HEMK2: variants seen among roughly 807,000 people sequenced by gnomAD.
The protein encoded by HEMK2 is HemK methyltransferase 2, ETF1 glutamine and histone H4 lysine, also known as methyltransferase HEMK2.
At chr21:28,676,862 G>A in the HEMK2 span, among the ~76,000 whole-genome samples, 1 of 152,216 alleles carries the variant, frequency 6.6e-6, no homozygotes, top group East Asian at 1.9e-4. Flanking sequence ...GAACTAAGGA[G>A]AGAGTCCTAC....
chr21:28,628,871 T>C, the HEMK2 span, among the ~76,000 whole-genome samples: 1 of 152,376 alleles, frequency 6.6e-6, no homozygotes, highest in African/African-American at 2.4e-5. Flanking sequence ...GCTCTGGCAT[T>C]AACTGTGTTC....
chr21:28,716,273 T>A, the HEMK2 span, among the ~76,000 whole-genome samples: 1 of 152,176 alleles, frequency 6.6e-6, no homozygotes, highest in Non-Finnish European at 1.5e-5. Flanking sequence ...CCTAGAATGT[T>A]TTGTTACTTG....
At chr21:28,684,629 C>A in the HEMK2 span, among the ~76,000 whole-genome samples, 1 of 152,190 alleles carries the variant, frequency 6.6e-6, no homozygotes, top group Non-Finnish European at 1.5e-5. Flanking sequence ...GGGATTTCAT[C>A]ATTTGAGATT....
At chr21:28,789,722 T>G in the HEMK2 span, among the ~76,000 whole-genome samples, 2 of 152,186 alleles carry the variant, frequency 1.3e-5, no homozygotes, top group Non-Finnish European at 2.9e-5. Context: ...AGCCCACATA[T>G]GACATATACT....
chr21:28,838,538 T>TA, the HEMK2 span, among the ~76,000 whole-genome samples: 84 of 121,514 alleles, frequency 6.9e-4, no homozygotes, highest in African/African-American at 1.4e-3. Flanking sequence ...TGTCTCAAAA[T>TA]AAAAAAAAAA....
chr21:28,786,490 G>C, the HEMK2 span, among the ~76,000 whole-genome samples: 1 of 152,050 alleles, frequency 6.6e-6, no homozygotes, highest in African/African-American at 2.4e-5. Flanking sequence ...GGCCAACATG[G>C]TGAAACCCTG....
the HEMK2 span, among the ~76,000 whole-genome samples, chr21:28,691,480 C>A: frequency 1.3e-5 from 2 of 152,106 alleles, no homozygotes; most frequent in African/African-American, 2.4e-5. Flanking sequence ...GTTTCTGAAG[C>A]CTTTTCTCAT....
the HEMK2 span, among the ~76,000 whole-genome samples, chr21:28,740,163 A>G: frequency 1.3e-5 from 2 of 152,222 alleles, no homozygotes; most frequent in Admixed American, 1.3e-4. Context: ...TCCTTTTAGT[A>G]TATTTATAAT....
At chr21:28,787,785 G>A in the HEMK2 span, among the ~76,000 whole-genome samples, 1 of 152,126 alleles carries the variant, frequency 6.6e-6, no homozygotes, top group Non-Finnish European at 1.5e-5. Context: ...ACAGCCACTA[G>A]AGAAAACAGT....
the HEMK2 span, among the ~76,000 whole-genome samples, chr21:28,752,875 G>C: frequency 6.6e-6 from 1 of 152,224 alleles, no homozygotes; most frequent in Non-Finnish European, 1.5e-5. Flanking sequence ...AGAGGGCCAC[G>C]GCAGAGGCCC....
the HEMK2 span, among the ~76,000 whole-genome samples, chr21:28,784,885 T>C: frequency 6.6e-6 from 1 of 152,230 alleles, no homozygotes; most frequent in African/African-American, 2.4e-5. Context: ...TCTTTCACTC[T>C]TTGCAATAAA....
At chr21:28,699,749 C>T in the HEMK2 span, among the ~76,000 whole-genome samples, 1 of 152,266 alleles carries the variant, frequency 6.6e-6, no homozygotes, top group Non-Finnish European at 1.5e-5. Flanking sequence ...CAAGCACAAA[C>T]ATGTCTGTCC....
chr21:28,727,302 T>C, the HEMK2 span, among the ~76,000 whole-genome samples: 3 of 152,306 alleles, frequency 2.0e-5, no homozygotes, highest in Non-Finnish European at 4.4e-5. Context: ...TTTGGAATAA[T>C]TGTATGGTCC....
the HEMK2 span, among the ~76,000 whole-genome samples, chr21:28,622,479 C>T: frequency 1.3e-5 from 2 of 152,142 alleles, no homozygotes; most frequent in Admixed American, 1.3e-4. Context: ...GAAGAAACTA[C>T]TTTATATTTC....
the HEMK2 span, among the ~76,000 whole-genome samples, chr21:28,590,945 T>C: frequency 6.6e-6 from 1 of 152,190 alleles, no homozygotes; most frequent in African/African-American, 2.4e-5. Flanking sequence ...TTCTTACCGG[T>C]CTATTATTAT....
chr21:28,644,157 G>A, the HEMK2 span, among the ~76,000 whole-genome samples: 4 of 152,278 alleles, frequency 2.6e-5, no homozygotes, highest in Admixed American at 6.5e-5. Flanking sequence ...ACATGGCTGG[G>A]GAGGCCTCAG....
chr21:28,633,577 A>T, the HEMK2 span, among the ~76,000 whole-genome samples: 1,073 of 152,286 alleles, frequency 7.0e-3, 16 homozygotes, highest in African/African-American at 0.025. Flanking sequence ...TTAAATGCCA[A>T]GTATTTTTTA....
chr21:28,657,223 G>A, the HEMK2 span, among the ~76,000 whole-genome samples: 1 of 151,998 alleles, frequency 6.6e-6, no homozygotes, highest in South Asian at 2.1e-4. Flanking sequence ...AGGTTAAACA[G>A]ATCTGCATAA....
At chr21:28,651,481 T>C in the HEMK2 span, among the ~76,000 whole-genome samples, 1 of 152,198 alleles carries the variant, frequency 6.6e-6, no homozygotes, top group East Asian at 1.9e-4. Context: ...CAGAATAAAG[T>C]AGTGTTATTT....
Sources: gnomAD v4.1 joint callset for allele counts (sites outside exome capture counted in the v4.1 genomes callset) on GRCh38, gnomAD v4.1.1 for gene constraint, MANE v1.5 for transcripts, NCBI Gene and HGNC (gene_info 2026-07-23, HGNC 2026-07-21) for gene names.